The following C1QTNF7 variants were observed in gnomAD, a reference collection of about 807,000 sequenced individuals.
The protein encoded by C1QTNF7 is complement C1q tumor necrosis factor-related protein 7.
A neutral mutation model predicts 19.6 loss-of-function variants in C1QTNF7; 15 were observed. The ratio of observed to expected loss-of-function variants is 0.76; its 90% CI spans 0.51 to 1.18. C1QTNF7 has a LOEUF of 1.18. Ranked by LOEUF, C1QTNF7 falls within the 50% of genes most tolerant of loss-of-function variation. The pLI, the probability that C1QTNF7 is intolerant of heterozygous loss-of-function variation, is 0.00. For missense variants in C1QTNF7, 324 were observed against 359.7 expected, an observed-to-expected ratio of 0.90 and a Z score of 0.80; for synonymous variants, 142 against 137.5, an observed-to-expected ratio of 1.03 and a Z score of -0.23.
intron 1 of C1QTNF7, among the ~76,000 whole-genome samples, chr4:15,387,832 C>T (rs1718396483): frequency 6.6e-6 from 1 of 152,102 alleles, no homozygotes; most frequent in Non-Finnish European, 1.5e-5. Flanking sequence ...GACTAGATTA[C>T]TATATCTGTA....
chr4:15,418,294 C>T (rs1711542752), intron 1 of C1QTNF7, among the ~76,000 whole-genome samples: 5 of 152,050 alleles, frequency 3.3e-5, no homozygotes, highest in Admixed American at 3.3e-4. Context: ...AGATCATGTT[C>T]TCCTCTAACC....
intron 1 of C1QTNF7, among the ~76,000 whole-genome samples, chr4:15,364,542 A>G (rs1450499069): frequency 1.3e-5 from 2 of 152,250 alleles, no homozygotes; most frequent in African/African-American, 4.8e-5. Context: ...GATAATGCCA[A>G]AAACATTTGC....
Position 15,418,389 on chromosome 4 carries a change from T to A in C1QTNF7, c.14-17347T>A, listed in dbSNP as rs150740841. On this transcript the variant is annotated intron_variant, in intron 1 of 2. Coordinates refer to the C1QTNF7 transcript ENST00000295297. ...CTTGACCCCTACTATTTTTCTGACCTCCTTTCTTACAGGCCATTTTGTCTT... is the reference window on the plus strand; with the variant it reads ...CTTGACCCCTACTATTTTTCTGACCACCTTTCTTACAGGCCATTTTGTCTT... 1.5e-3 allele frequency among the ~76,000 whole-genome samples: 232 copies of A among 152,294 alleles called. 1 individual carries two copies. The highest frequency in any genetic ancestry group is 5.3e-3 in the African/African-American group (222 of 41,570).
chr4:15,352,377 G>T (rs894542051), intron 1 of C1QTNF7, among the ~76,000 whole-genome samples: 1 of 152,086 alleles, frequency 6.6e-6, no homozygotes, highest in South Asian at 2.1e-4. Context: ...TCAAGCCTGG[G>T]TCTATATGAC....
chr4:15,340,892 T>C (rs1716513805), intron 1 of C1QTNF7, among the ~76,000 whole-genome samples: 1 of 152,116 alleles, frequency 6.6e-6, no homozygotes, highest in South Asian at 2.1e-4. Context: ...CATACACAGG[T>C]AGGGAGCAGC....
chr4:15,366,727 C>T (rs975100103), intron 1 of C1QTNF7, among the ~76,000 whole-genome samples: 2 of 152,024 alleles, frequency 1.3e-5, no homozygotes, highest in African/African-American at 4.8e-5. Flanking sequence ...CTGCAGTCTC[C>T]AAAGGAGCTG....
intron 1 of C1QTNF7, among the ~76,000 whole-genome samples, chr4:15,431,743 G>C (rs1712319993): frequency 6.6e-6 from 1 of 151,988 alleles, no homozygotes; most frequent in Non-Finnish European, 1.5e-5. Flanking sequence ...TGTTTTTTGG[G>C]TTAAGCCCTG....
chr4:15,407,801 C>G (rs1343937198), intron 1 of C1QTNF7, among the ~76,000 whole-genome samples: 1 of 152,070 alleles, frequency 6.6e-6, no homozygotes, highest in Non-Finnish European at 1.5e-5. Context: ...GTGGTGGGTA[C>G]CTGTAATCCA....
At chr4:15,385,170 C>G (rs1411217317) in intron 1 of C1QTNF7, among the ~76,000 whole-genome samples, 1 of 152,214 alleles carries the variant, frequency 6.6e-6, no homozygotes, top group African/African-American at 2.4e-5. Flanking sequence ...ACTAAGCGCT[C>G]ACCAAGTACC....
rs1330606989 is a variant in C1QTNF7, at chr4:15,443,559, G to A, written c.*760G>A. The A allele has an allele frequency of 6.6e-6, 1 of 152,214 alleles. No homozygotes were observed. Among genetic ancestry groups the A allele is most frequent in the Non-Finnish European group, 1.5e-5 (1 of 68,058 alleles). 9.4% of individuals were successfully genotyped at this position (152,214 alleles called of 1,614,324 possible). The stretch of plus-strand genomic sequence containing the variant: ...CATGGAAAAACACTAATCATGCCAA[G>A]GTGTATGTGTTTAAGGGGGTGTGAT... On this transcript the variant is annotated 3_prime_UTR_variant, in exon 3 of 3. Transcript: ENST00000444304.
chr4:15,380,424 T>C (rs1314145378), intron 1 of C1QTNF7, among the ~76,000 whole-genome samples: 2 of 152,342 alleles, frequency 1.3e-5, no homozygotes, highest in Admixed American at 1.3e-4. Flanking sequence ...GGTGGCAATA[T>C]AGCTGCTGCA....
intron 1 of C1QTNF7, among the ~76,000 whole-genome samples, chr4:15,387,718 G>T (rs976982030): frequency 6.6e-6 from 1 of 152,148 alleles, no homozygotes; most frequent in African/African-American, 2.4e-5. Context: ...AAATAAGGTA[G>T]TGTCTGAAAA....
chr4:15,428,102 G>A lies in C1QTNF7; in HGVS notation c.-13G>A. ...TCCTGCAGCAGCCCACCATCTAAGAGCAAGGTATGGTGTTTACTCTTTTTT... is the reference window on the plus strand; with the variant it reads ...TCCTGCAGCAGCCCACCATCTAAGAACAAGGTATGGTGTTTACTCTTTTTT... On this transcript the variant is annotated 5_prime_UTR_variant, in exon 1 of 3. Transcript: ENST00000444304. 1.0e-6 allele frequency: 1 copy of A among 984,784 alleles called. No individual in the cohort carries two copies. The highest frequency in any genetic ancestry group is 1.2e-6 in the Non-Finnish European group (1 of 829,384). 61.0% of individuals were successfully genotyped at this position (984,784 alleles called of 1,614,324 possible).
intron 2 of C1QTNF7, among the ~76,000 whole-genome samples, chr4:15,437,461 A>G (rs1712582635): frequency 6.6e-6 from 1 of 152,222 alleles, no homozygotes; most frequent in African/African-American, 2.4e-5. Flanking sequence ...ATCTGCAAAT[A>G]TGAGTCACAG....
chr4:15,368,868 C>CAT (rs1418893952), intron 1 of C1QTNF7, among the ~76,000 whole-genome samples: 2 of 152,200 alleles, frequency 1.3e-5, no homozygotes, highest in Non-Finnish European at 1.5e-5. Flanking sequence ...CAAAGACTTG[C>CAT]AGAGTTCTTT....
At chr4:15,361,760 C>A in intron 1 of C1QTNF7, among the ~76,000 whole-genome samples, 1 of 152,124 alleles carries the variant, frequency 6.6e-6, no homozygotes, top group Non-Finnish European at 1.5e-5. Context: ...GATGTCTTCC[C>A]AAATCCCTAA....
At chr4:15,438,995 G>C (rs1182383592) in intron 2 of C1QTNF7, among the ~76,000 whole-genome samples, 3 of 152,194 alleles carry the variant, frequency 2.0e-5, no homozygotes, top group Non-Finnish European at 4.4e-5. Context: ...CATGGAAGAA[G>C]AAATCTAGGT....
chr4:15,356,628 T>C (rs1717155334), intron 1 of C1QTNF7, among the ~76,000 whole-genome samples: 1 of 152,234 alleles, frequency 6.6e-6, no homozygotes, highest in African/African-American at 2.4e-5. Flanking sequence ...ATGGGATTGC[T>C]GCATCAAATG....
At chr4:15,348,435 G>A (rs1370356005) in intron 1 of C1QTNF7, among the ~76,000 whole-genome samples, 1 of 152,154 alleles carries the variant, frequency 6.6e-6, no homozygotes, top group African/African-American at 2.4e-5. Context: ...CTACATTGCT[G>A]CCTTCATGCC....
Sources: allele counts gnomAD v4.1 joint callset (sites outside exome capture counted in the v4.1 genomes callset), GRCh38; gene constraint gnomAD v4.1.1; transcripts MANE v1.5; gene names NCBI Gene and HGNC (gene_info 2026-07-23, HGNC 2026-07-21).